The following TLK1 variants were observed in gnomAD, a reference collection of about 807,000 sequenced individuals.
The protein encoded by TLK1 is serine/threonine-protein kinase tousled-like 1.
Under a neutral mutation model 105.3 loss-of-function variants are expected in TLK1, and 24 were observed. The ratio of observed to expected loss-of-function variants is 0.23; its 90% CI spans 0.17 to 0.32. The LOEUF (loss-of-function observed/expected upper bound fraction) is 0.32. Ranked by LOEUF, TLK1 falls within the 10% of genes least tolerant of loss-of-function variation. The pLI is 1.00. For missense variants in TLK1, 558 were observed against 910.5 expected (o/e 0.61, Z 4.98); for synonymous variants, 321 against 310.4 (o/e 1.03, Z -0.36).
intron 2 of TLK1, 146 bp from the exon 3 acceptor site, chr2:171,082,998 G>A: frequency 3.4e-6 from 2 of 585,178 alleles, no homozygotes; most frequent in South Asian, 2.4e-5. Flanking sequence ...AGCCAAATGA[G>A]GTAAAAATAA....
chr2:171,216,971 C>T (rs1375283702), intron 1 of TLK1, among the ~76,000 whole-genome samples: 1 of 152,206 alleles, frequency 6.6e-6, no homozygotes, highest in Non-Finnish European at 1.5e-5. Context: ...TATAAGGCGA[C>T]ACATTTCTGT....
intron 1 of TLK1, among the ~76,000 whole-genome samples, chr2:171,213,547 G>C (rs756796068): frequency 6.6e-6 from 1 of 151,146 alleles, no homozygotes; most frequent in East Asian, 2.0e-4. Context: ...GTTTGGGCCC[G>C]GTGGCTCATT....
chr2:171,117,865 GAA>G lies in TLK1; in HGVS notation c.140-10_140-9del. On this transcript the variant is annotated splice_polypyrimidine_tract_variant and intron_variant, in intron 1 of 20. Transcript: ENST00000431350. ...GAAGCTCATCCATTGCACCTATTAA[GAA>G]AAAAAAATATATATGTACACATATA... 6.4e-7 allele frequency: 1 copy of G among 1,559,894 alleles called. No individual in the cohort carries two copies. Among genetic ancestry groups the G allele is most frequent in the South Asian group, 1.2e-5 (1 of 84,904 alleles).
chr2:171,121,390 G>T (rs1005832778), intron 1 of TLK1, among the ~76,000 whole-genome samples: 2 of 152,058 alleles, frequency 1.3e-5, no homozygotes, highest in Non-Finnish European at 2.9e-5. Flanking sequence ...AAATTAGCTG[G>T]GTGTGGCAGT....
intron 3 of TLK1, among the ~76,000 whole-genome samples, chr2:171,074,574 C>G (rs973639645): frequency 7.1e-6 from 1 of 141,660 alleles, no homozygotes; most frequent in African/African-American, 2.7e-5. Flanking sequence ...TTGCAGGGAG[C>G]AGAGATCGTG....
rs148539172 is a variant in TLK1, at chr2:171,149,774, C to T, written c.139+10516G>A. On this transcript the variant is annotated intron_variant, in intron 1 of 20. Coordinates refer to ENST00000431350, the MANE Select transcript of TLK1 (RefSeq NM_012290.5). ...TTAAAAAATCAGCAGGATATGGTGGCGTGCACCTGTAGTCCCAGCTACTTG... is the reference window on the plus strand; with the variant it reads ...TTAAAAAATCAGCAGGATATGGTGGTGTGCACCTGTAGTCCCAGCTACTTG... Among the ~76,000 whole-genome samples the T allele has an allele frequency of 9.9e-5, 15 of 152,092 alleles. 1 individual carries two copies. In the East Asian group the frequency reaches 2.3e-3, roughly 24 times the overall value.
chr2:171,218,272 A>G (rs1693749678), intron 1 of TLK1, among the ~76,000 whole-genome samples: 1 of 152,046 alleles, frequency 6.6e-6, no homozygotes, highest in African/African-American at 2.4e-5. Context: ...AACAAACAAC[A>G]ACAACAACAA....
chr2:171,198,830 C>A (rs538122263), intron 1 of TLK1, among the ~76,000 whole-genome samples: 16 of 152,190 alleles, frequency 1.1e-4, no homozygotes, highest in Non-Finnish European at 1.8e-4. Flanking sequence ...TATTTAAGAC[C>A]TTTCCTATCT....
rs772111422 is a variant in TLK1 at position 171,056,766 on chromosome 2, G to A, written c.454-200C>T. On this transcript the variant is annotated intron_variant, in intron 5 of 20. Transcript: ENST00000431350. ...AGACTACTGATCACAAGAACATGAC[G>A]AGACTGTTTTATAAAGATCCTTATT... 1.1e-4 allele frequency among the ~76,000 whole-genome samples: 17 copies of A among 150,186 alleles called. No homozygotes were observed. The East Asian group carries it at 1.4e-3, about 12-fold the overall frequency.
At chr2:171,060,708 T>A (rs1172568819) in intron 4 of TLK1, among the ~76,000 whole-genome samples, 1 of 152,194 alleles carries the variant, frequency 6.6e-6, no homozygotes, top group African/African-American at 2.4e-5. Flanking sequence ...AACTAGAGTC[T>A]CTCATAATTA....
At chr2:170,996,944 A>G (rs1276417035) in intron 19 of TLK1, among the ~76,000 whole-genome samples, 184 bp from the exon 20 acceptor site, 1 of 152,248 alleles carries the variant, frequency 6.6e-6, no homozygotes, top group Non-Finnish European at 1.5e-5. Context: ...TAGCAGGCCA[A>G]GAAAGCCTAC....
chr2:171,204,268 A>T (rs905091055), intron 1 of TLK1, among the ~76,000 whole-genome samples: 4 of 152,286 alleles, frequency 2.6e-5, no homozygotes, highest in African/African-American at 9.6e-5. Flanking sequence ...CTGCCATTAA[A>T]TTGGCACCTA....
chr2:171,104,427 A>G (rs892932076), intron 2 of TLK1, among the ~76,000 whole-genome samples: 1 of 152,168 alleles, frequency 6.6e-6, no homozygotes, highest in African/African-American at 2.4e-5. Flanking sequence ...AAAAAAATAG[A>G]AAGACACCCC....
chr2:170,996,597 G>C, intron 20 of TLK1, 56 bp downstream of exon 20: 1 of 1,435,482 alleles, frequency 7.0e-7, no homozygotes, highest in East Asian at 2.3e-5. Flanking sequence ...CTTGTTGTCA[G>C]CACAACTGAT....
intron 1 of TLK1, among the ~76,000 whole-genome samples, chr2:171,178,651 T>A (rs1692875062): frequency 6.6e-6 from 1 of 152,190 alleles, no homozygotes; most frequent in African/African-American, 2.4e-5. Flanking sequence ...GAACTGAGAA[T>A]CAGTCAGCTT....
chr2:171,048,759 C>T (rs995893610), intron 10 of TLK1, among the ~76,000 whole-genome samples: 11 of 145,726 alleles, frequency 7.5e-5, no homozygotes, highest in African/African-American at 2.5e-4. Context: ...TCCTAGGAGG[C>T]AGTGTTTGAA....
At chr2:171,230,195 G>T (rs1478557050) in intron 1 of TLK1, among the ~76,000 whole-genome samples, 3 of 152,084 alleles carry the variant, frequency 2.0e-5, no homozygotes, top group Admixed American at 2.0e-4. Flanking sequence ...AATAATAAAA[G>T]ACTTTGCAAT....
intron 1 of TLK1, among the ~76,000 whole-genome samples, chr2:171,118,444 C>T (rs1690522649): frequency 6.6e-6 from 1 of 152,134 alleles, no homozygotes; most frequent in South Asian, 2.1e-4. Flanking sequence ...ATTATTGTCA[C>T]AATCCTTAAG....
chr2:171,025,390 C>T lies in TLK1; in HGVS notation c.1236+2949G>A, dbSNP rs527840613. ...ATGGGCTTCCTCAATGAACTTTGGT[C>T]CTTCAGTGCTAAGAAAGTTAGTCTA... On this transcript the variant is annotated intron_variant, in intron 12 of 20. Transcript: ENST00000431350. Among the ~76,000 whole-genome samples the T allele has an allele frequency of 3.3e-5, 5 of 152,214 alleles. No homozygotes were observed. The South Asian group carries it at 6.2e-4, about 19-fold the overall frequency.
Sources: allele counts gnomAD v4.1 joint callset (sites outside exome capture counted in the v4.1 genomes callset), GRCh38; gene constraint gnomAD v4.1.1; transcripts MANE v1.5; gene names NCBI Gene and HGNC (gene_info 2026-07-23, HGNC 2026-07-21).